MAST4: variants seen among roughly 807,000 people sequenced by gnomAD.
MAST4 encodes microtubule associated serine/threonine kinase family member 4.
In MAST4, 89 loss-of-function variants were observed where a neutral mutation model predicts 162.7. The observed-to-expected ratio is 0.55, with a 90% CI of 0.46 to 0.65. The LOEUF is 0.65. Among genes scored for constraint, MAST4 ranks in the 30% least tolerant of loss-of-function variants. The pLI is 0.00. For synonymous variants in MAST4, 1,479 were observed against 1,361.1 expected, an observed-to-expected ratio of 1.09 and a Z score of -1.91; for missense variants, 3,153 against 3,374.0, an observed-to-expected ratio of 0.93 and a Z score of 1.62.
chr5:66,813,122 C>CA (rs1385286913), intron 3 of MAST4, among the ~76,000 whole-genome samples: 7 of 152,072 alleles, frequency 4.6e-5, no homozygotes, highest in African/African-American at 1.7e-4. Context: ...TAATTCCTGA[C>CA]AAAAAATATT....
At chr5:66,624,153 T>TTG (rs1012807154) in intron 1 of MAST4, among the ~76,000 whole-genome samples, 4 of 65,958 alleles carry the variant, frequency 6.1e-5, no homozygotes, top group African/African-American at 2.0e-4. Flanking sequence ...AATGTTTTTT[T>TTG]TTTTTTTTTT....
At chr5:66,598,995 T>G (rs1742380957) in intron 1 of MAST4, among the ~76,000 whole-genome samples, 1 of 152,242 alleles carries the variant, frequency 6.6e-6, no homozygotes, top group Non-Finnish European at 1.5e-5. Flanking sequence ...GGGTCACTAT[T>G]TGTGAAATCT....
chr5:66,688,756 C>G (rs1391986461), intron 1 of MAST4, among the ~76,000 whole-genome samples: 1 of 151,824 alleles, frequency 6.6e-6, no homozygotes, highest in Non-Finnish European at 1.5e-5. Context: ...GAGCTGAGAG[C>G]TAGGGTGACT....
intron 1 of MAST4, among the ~76,000 whole-genome samples, chr5:66,695,656 C>T (rs943521469): frequency 5.9e-5 from 9 of 151,970 alleles, no homozygotes; most frequent in Admixed American, 6.6e-5. Context: ...CAATGAGATA[C>T]CATCTCATGC....
intron 8 of MAST4, 51 bp downstream of exon 8, chr5:67,100,643 A>G (rs1416808666): frequency 6.2e-7 from 1 of 1,609,444 alleles, no homozygotes; most frequent in East Asian, 2.2e-5. Context: ...TCTATTTTCA[A>G]ACATTTTGAG....
At chr5:66,729,415 T>C (rs1489012558) in intron 1 of MAST4, among the ~76,000 whole-genome samples, 1 of 152,198 alleles carries the variant, frequency 6.6e-6, no homozygotes, top group Admixed American at 6.5e-5. Flanking sequence ...AAATTCTATA[T>C]ATTTAAACAG....
In MAST4 at chr5:66,762,487, G is replaced by A. The variant is rs531027903; in HGVS notation, c.517+2625G>A. Among the ~76,000 whole-genome samples, 3 of 152,324 alleles carry A rather than the reference G, an allele frequency of 2.0e-5. No homozygotes were observed. In the South Asian group the frequency reaches 6.2e-4, roughly 32 times the overall value. On this transcript the variant is annotated intron_variant, in intron 2 of 28. Transcript: ENST00000403625. ...ATGGGTGGCATGGGCTCATGGAAAT[G>A]AGTTTGGTACCCTTATCGACTGGCT...
chr5:66,627,485 A>C (rs1377254896), intron 1 of MAST4, among the ~76,000 whole-genome samples: 1 of 152,236 alleles, frequency 6.6e-6, no homozygotes, highest in Non-Finnish European at 1.5e-5. Context: ...AAAGGAAGGC[A>C]AGACTGAGAA....
At chr5:66,780,665 C>G (rs2081161) in intron 2 of MAST4, among the ~76,000 whole-genome samples, 2 of 152,154 alleles carry the variant, frequency 1.3e-5, no homozygotes, top group Non-Finnish European at 2.9e-5. Context: ...CTTTTATTCC[C>G]TTATTTGGCC....
At chr5:66,935,676 T>TTC (rs1167029923) in intron 4 of MAST4, among the ~76,000 whole-genome samples, 1 of 145,598 alleles carries the variant, frequency 6.9e-6, no homozygotes, top group African/African-American at 2.6e-5. Context: ...CTTTCTTTCT[T>TTC]TTTTTTTTTT....
chr5:66,961,322 GT>G (rs950751921), intron 4 of MAST4, among the ~76,000 whole-genome samples: 2 of 152,176 alleles, frequency 1.3e-5, no homozygotes, highest in Non-Finnish European at 2.9e-5. Context: ...CACAGCAAAT[GT>G]GTAGAACAGC....
intron 3 of MAST4, among the ~76,000 whole-genome samples, chr5:66,818,580 G>T (rs1317127535): frequency 6.6e-6 from 1 of 151,946 alleles, no homozygotes; most frequent in Non-Finnish European, 1.5e-5. Context: ...ATATCTCCTT[G>T]GTCTGATCTT....
chr5:66,681,184 G>A (rs542699632), intron 1 of MAST4, among the ~76,000 whole-genome samples: 2 of 152,346 alleles, frequency 1.3e-5, no homozygotes, highest in Non-Finnish European at 2.9e-5. Context: ...ACTTTTCACA[G>A]TGACAGTGTT....
rs1392554104 is a variant in MAST4, at chr5:67,127,913, C to T, written c.1746-2297C>T. On this transcript the variant is annotated intron_variant, in intron 14 of 28. Coordinates refer to ENST00000403625, the MANE Select transcript of MAST4 (RefSeq NM_001164664.2). ...CCTAAATATACATAAATTTCCTAGT[C>T]TTTTGTTGGAAGTCCTTTTCAAGAA... 2.6e-5 allele frequency among the ~76,000 whole-genome samples: 4 copies of T among 152,216 alleles called. No individual in the cohort carries two copies. In the East Asian group the frequency reaches 7.7e-4, roughly 29 times the overall value.
chr5:66,937,391 A>G (rs886207053), intron 4 of MAST4, among the ~76,000 whole-genome samples: 1 of 152,166 alleles, frequency 6.6e-6, no homozygotes, highest in Admixed American at 6.5e-5. Flanking sequence ...CTCAAAGTAT[A>G]TGGCACCTAG....
intron 1 of MAST4, among the ~76,000 whole-genome samples, chr5:66,702,836 G>A (rs1417161760): frequency 1.3e-5 from 2 of 152,170 alleles, no homozygotes; most frequent in Non-Finnish European, 2.9e-5. Flanking sequence ...TTCAGTGTGA[G>A]GAGTAATATA....
chr5:66,923,139 T>C (rs951150151), intron 4 of MAST4, among the ~76,000 whole-genome samples: 1 of 152,216 alleles, frequency 6.6e-6, no homozygotes, highest in Non-Finnish European at 1.5e-5. Context: ...TCCTGTGAGC[T>C]CAACACACTT....
chr5:66,823,699 A>G (rs535406754), intron 3 of MAST4, among the ~76,000 whole-genome samples: 20 of 152,206 alleles, frequency 1.3e-4, no homozygotes, highest in African/African-American at 4.1e-4. Context: ...TCCAACCAAC[A>G]TGTTCGGCTG....
In MAST4 at chr5:66,758,928, A is replaced by G. The variant is rs1442626594; in HGVS notation, c.364-781A>G. Among the ~76,000 whole-genome samples the G allele has an allele frequency of 3.3e-5, 5 of 152,204 alleles. No homozygotes were observed. The East Asian group carries it at 7.7e-4, about 23-fold the overall frequency. The stretch of plus-strand genomic sequence containing the variant: ...TTGCAGCTGTCTTAGACACATATTC[A>G]TATGTACTTACTTGAAGGTGAACAT... On this transcript the variant is annotated intron_variant, in intron 1 of 28. Transcript: ENST00000403625.
Sources: gnomAD v4.1 joint callset for allele counts (sites outside exome capture counted in the v4.1 genomes callset) on GRCh38, gnomAD v4.1.1 for gene constraint, MANE v1.5 for transcripts, NCBI Gene and HGNC (gene_info 2026-07-23, HGNC 2026-07-21) for gene names.